The following CHFR variants were observed in gnomAD, a reference collection of about 807,000 sequenced individuals.
The protein encoded by CHFR is E3 ubiquitin-protein ligase CHFR.
In CHFR, 57 loss-of-function variants were observed where a neutral mutation model predicts 87.6. The ratio of observed to expected loss-of-function variants is 0.65; its 90% CI spans 0.53 to 0.81. The LOEUF is 0.81. Among genes scored for constraint, CHFR ranks in the 30% least tolerant of loss-of-function variants. The pLI is 0.00. For missense variants in CHFR, 797 were observed against 865.8 expected (o/e 0.92, Z 1.00); for synonymous variants, 381 against 359.2 (o/e 1.06, Z -0.69).
intron 2 of CHFR, among the ~76,000 whole-genome samples, chr12:132,880,992 G>C (rs146856316): frequency 1.2e-3 from 174 of 149,278 alleles, no homozygotes; most frequent in African/African-American, 3.8e-3. Context: ...TAAGGCTGGG[G>C]GCGGTGGTTC....
intron 5 of CHFR, 81 bp downstream of exon 5, chr12:132,870,643 G>T: frequency 9.9e-7 from 1 of 1,008,522 alleles, no homozygotes; most frequent in Non-Finnish European, 1.6e-6. Context: ...CTGGGTAACA[G>T]AGCGAGACTC....
chr12:132,859,640 G>A (rs768263846), intron 7 of CHFR, among the ~76,000 whole-genome samples: 17 of 152,114 alleles, frequency 1.1e-4, no homozygotes, highest in African/African-American at 1.9e-4. Context: ...GTGAGCTACC[G>A]CGCCCCACCC....
intron 11 of CHFR, 121 bp from the exon 12 acceptor site, chr12:132,851,858 A>G (rs1950954301): frequency 8.2e-7 from 1 of 1,223,272 alleles, no homozygotes; most frequent in Non-Finnish European, 1.1e-6. Flanking sequence ...GGGAAGAAGC[A>G]GACCTGCCCT....
chr12:132,871,237 A>G (rs2137021615), intron 4 of CHFR, among the ~76,000 whole-genome samples: 1 of 152,148 alleles, frequency 6.6e-6, no homozygotes, highest in Non-Finnish European at 1.5e-5. Context: ...GGATTACCTG[A>G]GGTCCCAAGT....
chr12:132,877,541 C>G lies in CHFR; in HGVS notation c.233+14G>C, dbSNP rs1314750701. ...ACAAGAAGAAACACCAAAAGAAGCTCAGAACATACTCACCTGGTATCTTCC... is the reference window on the plus strand; with the variant it reads ...ACAAGAAGAAACACCAAAAGAAGCTGAGAACATACTCACCTGGTATCTTCC... On this transcript the variant is annotated intron_variant, in intron 3 of 17. Coordinates refer to ENST00000450056, the MANE Select transcript of CHFR (RefSeq NM_001161346.2). The G allele has an allele frequency of 6.4e-7, 1 of 1,566,954 alleles. No homozygotes were observed. The highest frequency in any genetic ancestry group is 2.3e-5 in the East Asian group (1 of 44,338).
chr12:132,844,996 G>A (rs1279423952), intron 15 of CHFR, among the ~76,000 whole-genome samples: 1 of 152,082 alleles, frequency 6.6e-6, no homozygotes, highest in Non-Finnish European at 1.5e-5. Context: ...GAGAAAATTA[G>A]CTATTTCTAA....
At position 132,835,644 on chromosome 12, in the gene CHFR, C is replaced by G. The variant is rs1950640656; in HGVS notation, c.*5910G>C. 5.1e-6 allele frequency: 1 copy of G among 195,770 alleles called. No individual in the cohort carries two copies. 12.1% of individuals were successfully genotyped at this position (195,770 alleles called of 1,614,324 possible). A position where few individuals can be genotyped will look rare whatever the true frequency, so the allele number is the denominator to read the frequency against. ...ACAGACCAAAGAGGAACCGGCCCCG[C>G]TGACACCCTGATCTCAGAGTTCCAG... On this transcript the variant is annotated 3_prime_UTR_variant, in exon 18 of 18. Coordinates refer to ENST00000450056, the MANE Select transcript of CHFR (RefSeq NM_001161346.2).
chr12:132,886,101 C>G (rs1241243504), intron 2 of CHFR, among the ~76,000 whole-genome samples: 2 of 152,148 alleles, frequency 1.3e-5, no homozygotes, highest in African/African-American at 4.8e-5. Context: ...CACTTTAGTT[C>G]AGTTGTTCAA....
chr12:132,872,462 G>A, intron 3 of CHFR, 68 bp from the exon 4 acceptor site: 1 of 1,104,606 alleles, frequency 9.1e-7, no homozygotes, highest in Middle Eastern at 2.0e-4. Context: ...TTTTTTTCTA[G>A]CACCATTAGC....
At chr12:132,887,455 C>T (rs1356978642) in intron 1 of CHFR, 92 bp downstream of exon 1, 1 of 784,658 alleles carries the variant, frequency 1.3e-6, no homozygotes, top group Middle Eastern at 6.2e-4. Context: ...AGCCCCGCAG[C>T]CCGGCCTGGA....
chr12:132,855,621 C>T (rs1417561074), intron 10 of CHFR, among the ~76,000 whole-genome samples: 2 of 151,616 alleles, frequency 1.3e-5, no homozygotes, highest in Admixed American at 6.6e-5. Context: ...GAGCTGAGAT[C>T]GTGTCACTGC....
intron 13 of CHFR, 113 bp from the exon 14 acceptor site, chr12:132,848,268 T>G (rs747129595): frequency 6.4e-7 from 1 of 1,552,538 alleles, no homozygotes; most frequent in South Asian, 1.2e-5. Flanking sequence ...CTAGAAAGAA[T>G]AAGAAGTTCA....
chr12:132,870,623 G>A (rs1053098188), intron 5 of CHFR, 101 bp downstream of exon 5: 21 of 766,604 alleles, frequency 2.7e-5, no homozygotes, highest in African/African-American at 1.0e-4. Flanking sequence ...TCGCGCCACC[G>A]CACTCCAGCC....
In CHFR at chr12:132,848,127, G is replaced by A. The variant is rs372404283; in HGVS notation, c.1605C>T (p.Asp535=). The change falls in exon 14 of 18, where the codon GAC becomes GAT. Residue 535 remains aspartate (D), a synonymous_variant. Transcript: ENST00000450056. ...CELNLGDKCL[D]GVLNNNSYES... ...CGTAGCTGTTGTTGTTCAGCACGCC[G>A]TCCAGACACTTGTCACCCAGGTTGA... 14 of 1,613,982 alleles carry A rather than the reference G, an allele frequency of 8.7e-6. No homozygotes were observed. The highest frequency in any genetic ancestry group is 4.5e-5 in the East Asian group (2 of 44,886).
intron 8 of CHFR, 51 bp from the exon 9 acceptor site, chr12:132,857,610 G>T (rs772976116): frequency 1.3e-6 from 2 of 1,577,294 alleles, no homozygotes; most frequent in African/African-American, 2.7e-5. Flanking sequence ...ATGCAACCGC[G>T]ACCCTCGACC....
At chr12:132,881,511 T>C (rs1337570660) in intron 2 of CHFR, among the ~76,000 whole-genome samples, 2 of 152,190 alleles carry the variant, frequency 1.3e-5, no homozygotes, top group Non-Finnish European at 1.5e-5. Context: ...ATCATTAATC[T>C]TCAGAGAAAT....
Position 132,839,149 on chromosome 12 carries a change from C to T in CHFR, c.*2405G>A, listed in dbSNP as rs1950670451. 6.5e-6 allele frequency: 1 copy of T among 152,774 alleles called. No homozygotes were observed. The highest frequency in any genetic ancestry group is 2.0e-4 in the South Asian group (1 of 4,940). The allele number at this position is 152,774 out of a possible 1,614,324, so 9.5% of individuals were successfully genotyped here. A position where few individuals can be genotyped will look rare whatever the true frequency, so the allele number is the denominator to read the frequency against. On this transcript the variant is annotated 3_prime_UTR_variant, in exon 18 of 18. Transcript: ENST00000450056. ...GGAAAGACCAGCATCCTCTACAGGG[C>T]AAGTGTTCTTGTTTCTACTTTTTGG...
rs575744673 is a variant in CHFR at position 132,865,156 on chromosome 12, C to T, written c.584-3522G>A. On this transcript the variant is annotated intron_variant, in intron 6 of 17. Coordinates refer to ENST00000450056, the MANE Select transcript of CHFR (RefSeq NM_001161346.2). ...ACGCTGTGGGCCACGCTGGAGCGGC[C>T]GGAACGCCACCTCTATTCCTCTGGG... is the stretch of plus-strand genomic sequence containing the variant. 6.6e-5 allele frequency among the ~76,000 whole-genome samples: 10 copies of T among 152,318 alleles called. No homozygotes were observed. The East Asian group carries it at 9.7e-4, about 15-fold the overall frequency.
In CHFR at chr12:132,874,672, C is replaced by T. The variant is rs1408694191; in HGVS notation, c.234-2278G>A. On this transcript the variant is annotated intron_variant, in intron 3 of 17. Transcript: ENST00000450056. ...AGGCCCCGGAACAGGCGGGACTGCCCGGGACCAGCACCCAGCGCGAGGAAG... is the reference window on the plus strand; with the variant it reads ...AGGCCCCGGAACAGGCGGGACTGCCTGGGACCAGCACCCAGCGCGAGGAAG... Among the ~76,000 whole-genome samples, 14 of 145,298 alleles carry T rather than the reference C, an allele frequency of 9.6e-5. 1 individual carries two copies. Among genetic ancestry groups the T allele is most frequent in the Non-Finnish European group, 2.1e-4 (14 of 66,160 alleles).
Sources: allele counts gnomAD v4.1 joint callset (sites outside exome capture counted in the v4.1 genomes callset), GRCh38; gene constraint gnomAD v4.1.1; transcripts MANE v1.5; gene names NCBI Gene and HGNC (gene_info 2026-07-23, HGNC 2026-07-21).